BAZ2B: variants seen among roughly 807,000 people sequenced by gnomAD.
BAZ2B encodes the protein bromodomain adjacent to zinc finger domain 2B.
BAZ2B carries 91 observed loss-of-function variants against 246.0 expected under a neutral mutation model. The ratio of observed to expected loss-of-function variants is 0.37; its 90% CI spans 0.31 to 0.44. The LOEUF (loss-of-function observed/expected upper bound fraction) is 0.44. BAZ2B is among the 20% of genes least tolerant of loss of function. BAZ2B has a pLI of 1.00. For synonymous variants in BAZ2B, 855 were observed against 860.0 expected (o/e 0.99, Z 0.10); for missense variants, 2,332 against 2,533.7 (o/e 0.92, Z 1.71).
chr2:159,688,328 C>T, the BAZ2B span, among the ~76,000 whole-genome samples: 1 of 152,122 alleles, frequency 6.6e-6, no homozygotes, highest in African/African-American at 2.4e-5. Flanking sequence ...AGGTCCAGCC[C>T]AGACATTTAT....
At chr2:159,322,306 G>T (rs936532736) in intron 36 of BAZ2B, among the ~76,000 whole-genome samples, 2 of 152,114 alleles carry the variant, frequency 1.3e-5, no homozygotes, top group Non-Finnish European at 2.9e-5. Flanking sequence ...TATTAAGGTG[G>T]ACAGTTCAGT....
At chr2:159,649,522 T>C in the BAZ2B span, among the ~76,000 whole-genome samples, 142,156 of 152,194 alleles carry the variant, frequency 0.93, 66,515 homozygotes, top group Middle Eastern at 0.97. Context: ...TCCTGCTGTG[T>C]GGCCCAGTTC....
chr2:159,445,990 T>G (rs1457349524), intron 6 of BAZ2B, among the ~76,000 whole-genome samples: 1 of 152,108 alleles, frequency 6.6e-6, no homozygotes, highest in Non-Finnish European at 1.5e-5. Context: ...AGCATGCACC[T>G]GTAGTCCCAG....
At chr2:159,646,465 G>A in the BAZ2B span, among the ~76,000 whole-genome samples, 1 of 152,030 alleles carries the variant, frequency 6.6e-6, no homozygotes, top group Non-Finnish European at 1.5e-5. Flanking sequence ...CTCAGCTTAT[G>A]AGATGACAGG....
chr2:159,700,531 C>T, the BAZ2B span, among the ~76,000 whole-genome samples: 3 of 152,156 alleles, frequency 2.0e-5, no homozygotes, highest in South Asian at 2.1e-4. Context: ...CTGCAACCTC[C>T]GCCTCCCGGG....
At chr2:159,412,752 C>T (rs746855915) in intron 13 of BAZ2B, among the ~76,000 whole-genome samples, 18 of 152,096 alleles carry the variant, frequency 1.2e-4, no homozygotes, top group Non-Finnish European at 2.2e-4. Flanking sequence ...ACTTTAATGA[C>T]TTAAGCTTTA....
rs148745632 is a variant in BAZ2B, at chr2:159,334,349, T to G, written c.5797-1663A>C. ...CCTCTGCTACTACAGTAAAAAATAG[T>G]GGATGCTGCCTACTGTTTAACAATA... On this transcript the variant is annotated intron_variant, in intron 33 of 36. Coordinates refer to ENST00000392783, the MANE Select transcript of BAZ2B (RefSeq NM_013450.4). Among the ~76,000 whole-genome samples, 415 of 152,280 alleles carry G rather than the reference T, an allele frequency of 2.7e-3. 2 individuals are homozygous for G. Among genetic ancestry groups the G allele is most frequent in the African/African-American group, 9.6e-3 (400 of 41,566 alleles).
At chr2:159,652,779 G>C in the BAZ2B span, among the ~76,000 whole-genome samples, 1 of 151,622 alleles carries the variant, frequency 6.6e-6, no homozygotes, top group African/African-American at 2.4e-5. Context: ...TACCATGCCT[G>C]GCTAATTTTT....
At chr2:159,626,350 C>T in the BAZ2B span, among the ~76,000 whole-genome samples, 1 of 152,130 alleles carries the variant, frequency 6.6e-6, no homozygotes. Flanking sequence ...TATAACTCTC[C>T]ACCCCAAATC....
intron 34 of BAZ2B, among the ~76,000 whole-genome samples, chr2:159,326,122 C>T (rs1444898028): frequency 6.6e-6 from 1 of 152,036 alleles, no homozygotes; most frequent in Non-Finnish European, 1.5e-5. Context: ...CATGAAAAGT[C>T]TATTCATCTT....
At chr2:159,426,139 T>A (rs1480628334) in intron 13 of BAZ2B, among the ~76,000 whole-genome samples, 2 of 152,186 alleles carry the variant, frequency 1.3e-5, no homozygotes, top group Admixed American at 6.5e-5. Flanking sequence ...TTTCCTTGAT[T>A]GGAATTGATC....
At chr2:159,348,620 ATAAT>A (rs2058231889) in intron 30 of BAZ2B, 54 bp downstream of exon 30, 2 of 1,526,198 alleles carry the variant, frequency 1.3e-6, no homozygotes, top group Non-Finnish European at 1.8e-6. Flanking sequence ...ATGGTTTAGA[ATAAT>A]TAATTCTCAT....
At chr2:159,391,827 T>C (rs1382162984) in intron 20 of BAZ2B, among the ~76,000 whole-genome samples, 1 of 152,184 alleles carries the variant, frequency 6.6e-6, no homozygotes, top group Admixed American at 6.6e-5. Context: ...GAAATCGGTG[T>C]GACCTTTATC....
chr2:159,419,745 C>A (rs2068408517), intron 13 of BAZ2B: 1 of 152,178 alleles, frequency 6.6e-6, no homozygotes. Flanking sequence ...AGTTGTCCTC[C>A]TAGTATAGGC....
chr2:159,601,390 C>T (rs1310814319), intron 1 of BAZ2B, among the ~76,000 whole-genome samples: 2 of 151,524 alleles, frequency 1.3e-5, no homozygotes, highest in South Asian at 2.1e-4. Flanking sequence ...TGCCACTGCA[C>T]TCCAGAATGG....
chr2:159,492,933 G>C (rs995534343), intron 2 of BAZ2B, among the ~76,000 whole-genome samples: 1 of 152,156 alleles, frequency 6.6e-6, no homozygotes, highest in African/African-American at 2.4e-5. Flanking sequence ...AACAACCTCT[G>C]TTTTTGACAC....
At chr2:159,559,288 C>T (rs905491547) in intron 1 of BAZ2B, among the ~76,000 whole-genome samples, 17 of 151,816 alleles carry the variant, frequency 1.1e-4, no homozygotes, top group Admixed American at 5.3e-4. Context: ...ATTACTCTCT[C>T]TGTATCCAAA....
chr2:159,325,051 A>AT (rs2063324064), intron 35 of BAZ2B, 97 bp from the exon 36 acceptor site: 1 of 4,256 alleles, frequency 2.3e-4, no homozygotes, highest in African/African-American at 9.5e-4. Context: ...TATTATATAT[A>AT]TATATATATT....
intron 1 of BAZ2B, among the ~76,000 whole-genome samples, chr2:159,609,253 G>T (rs1248657454): frequency 1.3e-5 from 2 of 152,092 alleles, no homozygotes; most frequent in African/African-American, 4.8e-5. Flanking sequence ...TACTCCAGAA[G>T]TGACTCAAAA....
Sources: gnomAD v4.1 joint callset for allele counts (sites outside exome capture counted in the v4.1 genomes callset) on GRCh38, gnomAD v4.1.1 for gene constraint, MANE v1.5 for transcripts, NCBI Gene and HGNC (gene_info 2026-07-23, HGNC 2026-07-21) for gene names.